ASCC3: variants seen among roughly 807,000 people sequenced by gnomAD.
ASCC3 encodes the protein ASC-1 complex subunit P200.
In ASCC3, 158 loss-of-function variants were observed where a neutral mutation model predicts 256.3. The observed-to-expected ratio is 0.62, with a 90% CI of 0.54 to 0.70. ASCC3 has a LOEUF of 0.70. Ranked by LOEUF, ASCC3 falls within the 30% of genes least tolerant of loss-of-function variation. The pLI, the probability that ASCC3 is intolerant of heterozygous loss-of-function variation, is 0.00. For missense variants in ASCC3, 2,259 were observed against 2,626.0 expected (o/e 0.86, Z 3.05); for synonymous variants, 948 against 883.4 (o/e 1.07, Z -1.30).
chr6:100,532,598 G>A (rs1247213493), intron 37 of ASCC3, among the ~76,000 whole-genome samples: 1 of 151,508 alleles, frequency 6.6e-6, no homozygotes, highest in African/African-American at 2.4e-5. Flanking sequence ...AGCAGATTCT[G>A]CTTGGTATAT....
chr6:100,659,597 C>A (rs1009997654), intron 16 of ASCC3, among the ~76,000 whole-genome samples: 1 of 151,058 alleles, frequency 6.6e-6, no homozygotes, highest in East Asian at 1.9e-4. Flanking sequence ...TTTATGGGCC[C>A]TAATTTATTT....
At chr6:100,571,640 T>C (rs1208570827) in intron 36 of ASCC3, among the ~76,000 whole-genome samples, 1 of 152,242 alleles carries the variant, frequency 6.6e-6, no homozygotes, top group Non-Finnish European at 1.5e-5. Context: ...AATGCAATCA[T>C]TCCAATAACC....
intron 4 of ASCC3, among the ~76,000 whole-genome samples, chr6:100,838,849 T>C (rs1394990703): frequency 1.3e-5 from 2 of 151,900 alleles, no homozygotes; most frequent in East Asian, 1.9e-4. Flanking sequence ...TGTATGTATG[T>C]ATGTGCTCAT....
chr6:100,622,631 G>GAA (rs1443130470), intron 30 of ASCC3, among the ~76,000 whole-genome samples: 1 of 150,536 alleles, frequency 6.6e-6, no homozygotes, highest in Non-Finnish European at 1.5e-5. Context: ...AAAAGTTGAA[G>GAA]AAAAAAATAT....
chr6:100,703,391 T>C (rs1778432601), intron 13 of ASCC3, among the ~76,000 whole-genome samples: 1 of 152,010 alleles, frequency 6.6e-6, no homozygotes, highest in Non-Finnish European at 1.5e-5. Context: ...CTTAAGTAAC[T>C]TATTATCAGA....
At chr6:100,663,003 G>A (rs1776300555) in intron 14 of ASCC3, among the ~76,000 whole-genome samples, 1 of 151,950 alleles carries the variant, frequency 6.6e-6, no homozygotes, top group Non-Finnish European at 1.5e-5. Context: ...TTTCCAACAA[G>A]TCCATATCTG....
At chr6:100,806,721 AG>A (rs1449351113) in intron 4 of ASCC3, among the ~76,000 whole-genome samples, 2 of 152,010 alleles carry the variant, frequency 1.3e-5, no homozygotes, top group Admixed American at 1.3e-4. Context: ...GGACATTAAA[AG>A]TTTAATAAAT....
intron 23 of ASCC3, 42 bp downstream of exon 23, chr6:100,643,989 T>C: frequency 7.2e-7 from 1 of 1,379,724 alleles, no homozygotes; most frequent in East Asian, 2.3e-5. Context: ...ATAATTTTTT[T>C]TACAATAGCA....
At chr6:100,824,522 G>C (rs929099458) in intron 4 of ASCC3, among the ~76,000 whole-genome samples, 1 of 152,100 alleles carries the variant, frequency 6.6e-6, no homozygotes, top group Non-Finnish European at 1.5e-5. Context: ...TCAGCCTTTT[G>C]GCTAAGATCA....
intron 14 of ASCC3, among the ~76,000 whole-genome samples, chr6:100,663,893 T>C (rs1776345864): frequency 6.6e-6 from 1 of 152,110 alleles, no homozygotes; most frequent in Admixed American, 6.6e-5. Context: ...CACTAGTATC[T>C]GTGGTTTCAT....
chr6:100,711,044 T>C (rs1386620492), intron 13 of ASCC3, among the ~76,000 whole-genome samples: 2 of 152,178 alleles, frequency 1.3e-5, no homozygotes, highest in Non-Finnish European at 2.9e-5. Context: ...GCTACATTTA[T>C]TTATCAATCT....
intron 30 of ASCC3, among the ~76,000 whole-genome samples, chr6:100,608,087 T>TCG (rs1562160923): frequency 0.016 from 2,071 of 130,260 alleles, 89 homozygotes; most frequent in Non-Finnish European, 0.024. Flanking sequence ...TATGTATATA[T>TCG]ATCTATATAC....
chr6:100,715,537 G>T lies in ASCC3; in HGVS notation c.2080-4C>A, dbSNP rs992317158. ...CCATGTTATTCAACTGCTGCATCTT[G>T]AAGATTTTAAAACATAAAAAAAATC... On this transcript the variant is annotated splice_polypyrimidine_tract_variant and splice_region_variant and intron_variant, in intron 12 of 41. Coordinates refer to ENST00000369162, the MANE Select transcript of ASCC3 (RefSeq NM_006828.4). 2 of 1,605,672 alleles carry T rather than the reference G, an allele frequency of 1.2e-6. No individual in the cohort carries two copies. Among genetic ancestry groups the T allele is most frequent in the East Asian group, 4.5e-5 (2 of 44,562 alleles).
At chr6:100,734,911 A>G (rs1284671049) in intron 10 of ASCC3, among the ~76,000 whole-genome samples, 1 of 152,200 alleles carries the variant, frequency 6.6e-6, no homozygotes, top group African/African-American at 2.4e-5. Flanking sequence ...CTTGTAGATA[A>G]TATATCTCTA....
chr6:100,752,756 C>G (rs1181523388), intron 10 of ASCC3, among the ~76,000 whole-genome samples: 1 of 152,022 alleles, frequency 6.6e-6, no homozygotes, highest in Non-Finnish European at 1.5e-5. Flanking sequence ...AACTCTGCAA[C>G]AGACAGTTCA....
intron 30 of ASCC3, among the ~76,000 whole-genome samples, 153 bp from the exon 31 acceptor site, chr6:100,607,241 A>C (rs1011299871): frequency 6.6e-6 from 1 of 152,144 alleles, no homozygotes; most frequent in Non-Finnish European, 1.5e-5. Context: ...AGTTCAACTA[A>C]CTGAAAAGAA....
intron 3 of ASCC3, chr6:100,858,172 C>T (rs895835684): frequency 4.4e-6 from 2 of 454,432 alleles, no homozygotes; most frequent in Admixed American, 1.3e-4. Flanking sequence ...TATTACGTTA[C>T]ATAAAGATAA....
At chr6:100,684,697 T>C (rs1270244832) in intron 13 of ASCC3, among the ~76,000 whole-genome samples, 1 of 152,076 alleles carries the variant, frequency 6.6e-6, no homozygotes, top group Non-Finnish European at 1.5e-5. Context: ...CACAAAACAA[T>C]TTAAAACACT....
At chr6:100,858,370 T>C (rs1249650076) in intron 3 of ASCC3, 1 of 253,438 alleles carries the variant, frequency 3.9e-6, no homozygotes, top group Non-Finnish European at 6.2e-6. Context: ...GAAACAGAAG[T>C]GGTAACAGGC....
Sources: allele counts gnomAD v4.1 joint callset (sites outside exome capture counted in the v4.1 genomes callset), GRCh38; gene constraint gnomAD v4.1.1; transcripts MANE v1.5; gene names NCBI Gene and HGNC (gene_info 2026-07-23, HGNC 2026-07-21).